The following MOXD1 variants were observed in gnomAD, a reference collection of about 807,000 sequenced individuals.
MOXD1 encodes the protein monooxygenase DBH like 1.
In MOXD1, 62 loss-of-function variants were observed where a neutral mutation model predicts 66.6. The observed-to-expected ratio is 0.93, with a 90% CI of 0.76 to 1.15. The LOEUF (loss-of-function observed/expected upper bound fraction) is 1.15. MOXD1 is among the 50% of genes most tolerant of loss of function. The probability of loss-of-function intolerance (pLI) is 0.00; values close to 1 mark genes in which losing one functional copy is unlikely to be tolerated. For missense variants in MOXD1, 847 were observed against 754.6 expected, an observed-to-expected ratio of 1.12 and a Z score of -1.44; for synonymous variants, 303 against 281.9, an observed-to-expected ratio of 1.07 and a Z score of -0.75.
chr6:132,311,500 C>A (rs1774829757), intron 10 of MOXD1, among the ~76,000 whole-genome samples: 2 of 151,608 alleles, frequency 1.3e-5, no homozygotes, highest in Admixed American at 6.6e-5. Context: ...CTTTCATGAC[C>A]TAAAATTGAA....
At chr6:132,395,309 T>C (rs1776847272) in intron 1 of MOXD1, among the ~76,000 whole-genome samples, 2 of 152,082 alleles carry the variant, frequency 1.3e-5, no homozygotes, top group South Asian at 4.1e-4. Flanking sequence ...AAGGGAGTCC[T>C]ACACCCAAAA....
At chr6:132,386,261 G>T (rs1489537865) in intron 1 of MOXD1, among the ~76,000 whole-genome samples, 1 of 145,448 alleles carries the variant, frequency 6.9e-6, no homozygotes, top group African/African-American at 2.6e-5. Context: ...AATTAGCCGG[G>T]CTTCGTGGCG....
intron 1 of MOXD1, among the ~76,000 whole-genome samples, chr6:132,387,512 G>T (rs1776675611): frequency 6.6e-6 from 1 of 150,848 alleles, no homozygotes; most frequent in African/African-American, 2.4e-5. Context: ...TCACCACTTT[G>T]GGAGGCCGAG....
At position 132,311,090 on chromosome 6, in the gene MOXD1, A is replaced by C. The variant is rs561483227; in HGVS notation, c.1508+4545T>G. On this transcript the variant is annotated intron_variant, in intron 10 of 11. Transcript: ENST00000367963. ...TATGAATCCTACAAGTAAAGGAAAA[A>C]TTCCTCCATTCGTCCAGAGAGATCT... Among the ~76,000 whole-genome samples the C allele has an allele frequency of 2.0e-5, 3 of 152,300 alleles. No individual in the cohort carries two copies. The East Asian group carries it at 5.8e-4, about 29-fold the overall frequency.
At chr6:132,324,854 T>C (rs1775153447) in intron 6 of MOXD1, among the ~76,000 whole-genome samples, 5 of 152,024 alleles carry the variant, frequency 3.3e-5, no homozygotes, top group Admixed American at 2.0e-4. Context: ...CTTGTCTCAT[T>C]TAAATCAATC....
At chr6:132,317,759 A>G (rs1451583070) in intron 9 of MOXD1, among the ~76,000 whole-genome samples, 1 of 152,156 alleles carries the variant, frequency 6.6e-6, no homozygotes, top group Non-Finnish European at 1.5e-5. Flanking sequence ...AACCAACACC[A>G]GTACATTGAC....
Position 132,297,108 on chromosome 6 carries a change from A to ACTCT in MOXD1, c.*44_*45insAGAG, listed in dbSNP as rs1774418492. The ACTCT allele has an allele frequency of 6.3e-7, 1 of 1,588,196 alleles. No individual in the cohort carries two copies. Among genetic ancestry groups the ACTCT allele is most frequent in the African/African-American group, 1.4e-5 (1 of 73,984 alleles). On this transcript the variant is annotated 3_prime_UTR_variant, in exon 12 of 12. Coordinates refer to ENST00000367963, the MANE Select transcript of MOXD1 (RefSeq NM_015529.4). ...GTCTTTAACCTGTACTTCAAATGAC[A>ACTCT]GGTTCAGATCATAGAAAACATTGTC... is the stretch of plus-strand genomic sequence containing the variant.
At chr6:132,390,479 A>C (rs1217921358) in intron 1 of MOXD1, 3 of 151,390 alleles carry the variant, frequency 2.0e-5, no homozygotes, top group Non-Finnish European at 4.4e-5. Flanking sequence ...GTACTTTCTG[A>C]TGTTTCTCTT....
rs180923108 is a variant in MOXD1 at position 132,326,259 on chromosome 6, G to A, written c.946+1754C>T. On this transcript the variant is annotated intron_variant, in intron 6 of 11. Coordinates refer to ENST00000367963, the MANE Select transcript of MOXD1 (RefSeq NM_015529.4). ...ATAAAATTACTATAATCTAAAATTT[G>A]GTCTAATTATGTACATGAATAAAAA... Among the ~76,000 whole-genome samples the A allele has an allele frequency of 4.4e-3, 667 of 151,666 alleles. 2 individuals carry two copies. Among genetic ancestry groups the A allele is most frequent in the Admixed American group, 7.3e-3 (112 of 15,240 alleles).
At chr6:132,317,565 A>G (rs566150695) in intron 9 of MOXD1, among the ~76,000 whole-genome samples, 4 of 152,280 alleles carry the variant, frequency 2.6e-5, no homozygotes, top group Non-Finnish European at 5.9e-5. Context: ...TGAGGTACAC[A>G]GCTGTGAGCT....
chr6:132,394,380 T>C (rs1776829925), intron 1 of MOXD1, among the ~76,000 whole-genome samples: 1 of 152,038 alleles, frequency 6.6e-6, no homozygotes, highest in African/African-American at 2.4e-5. Flanking sequence ...AAATGATCAA[T>C]GTAAGGACAC....
chr6:132,305,915 T>G (rs151027365), intron 10 of MOXD1, among the ~76,000 whole-genome samples: 1 of 152,050 alleles, frequency 6.6e-6, no homozygotes, highest in East Asian at 1.9e-4. Context: ...AAAGAATCAA[T>G]AAAAATATGC....
chr6:132,395,351 A>G (rs754721772), intron 1 of MOXD1, among the ~76,000 whole-genome samples: 1 of 152,166 alleles, frequency 6.6e-6, no homozygotes, highest in Non-Finnish European at 1.5e-5. Context: ...TCATTAAAAC[A>G]CATGAAATAT....
At chr6:132,365,630 T>C (rs1306702147) in intron 4 of MOXD1, among the ~76,000 whole-genome samples, 1 of 152,186 alleles carries the variant, frequency 6.6e-6, no homozygotes, top group Non-Finnish European at 1.5e-5. Context: ...ATCACTTCCA[T>C]GAAAAGACAT....
intron 4 of MOXD1, among the ~76,000 whole-genome samples, chr6:132,366,421 T>TA (rs1645028656): frequency 6.6e-6 from 1 of 151,808 alleles, no homozygotes; most frequent in Non-Finnish European, 1.5e-5. Context: ...GGTGAACACA[T>TA]AAAAAAACAA....
chr6:132,352,628 C>T (rs1345026676), intron 4 of MOXD1, among the ~76,000 whole-genome samples: 3 of 152,126 alleles, frequency 2.0e-5, no homozygotes, highest in African/African-American at 7.2e-5. Flanking sequence ...ATGAAATGTT[C>T]TGTATATATC....
At chr6:132,314,392 T>C (rs1277978188) in intron 10 of MOXD1, among the ~76,000 whole-genome samples, 1 of 152,246 alleles carries the variant, frequency 6.6e-6, no homozygotes, top group Non-Finnish European at 1.5e-5. Context: ...CTAGCCCTCC[T>C]AGAGTCCTTT....
intron 10 of MOXD1, among the ~76,000 whole-genome samples, chr6:132,306,170 T>C (rs990697581): frequency 2.0e-5 from 3 of 152,052 alleles, no homozygotes; most frequent in African/African-American, 7.2e-5. Context: ...GGAATATTAA[T>C]GACTTGATGA....
chr6:132,329,204 A>G (rs1775262905), intron 4 of MOXD1, among the ~76,000 whole-genome samples: 1 of 152,116 alleles, frequency 6.6e-6, no homozygotes. Context: ...TATGAGTGAG[A>G]ACATGCGGTG....
Sources: gnomAD v4.1 joint callset for allele counts (sites outside exome capture counted in the v4.1 genomes callset) on GRCh38, gnomAD v4.1.1 for gene constraint, MANE v1.5 for transcripts, NCBI Gene and HGNC (gene_info 2026-07-23, HGNC 2026-07-21) for gene names.